DTNBP1: variants seen among roughly 807,000 people sequenced by gnomAD.
The protein encoded by DTNBP1 is dysbindin.
A neutral mutation model predicts 42.8 loss-of-function variants in DTNBP1; 35 were observed. The ratio of observed to expected loss-of-function variants is 0.82; its 90% CI spans 0.63 to 1.09. The LOEUF is 1.09. DTNBP1 is among the 50% of genes least tolerant of loss of function. DTNBP1 has a pLI of 0.00. For synonymous variants in DTNBP1, 171 were observed against 162.2 expected, an observed-to-expected ratio of 1.05 and a Z score of -0.41; for missense variants, 457 against 424.2, an observed-to-expected ratio of 1.08 and a Z score of -0.68.
intron 5 of DTNBP1, among the ~76,000 whole-genome samples, chr6:15,625,095 A>C (rs1759263400): frequency 6.6e-6 from 1 of 152,238 alleles, no homozygotes; most frequent in South Asian, 2.1e-4. Context: ...ACAAATACTA[A>C]CTAGGTCTCT....
intron 1 of DTNBP1, 65 bp from the exon 2 acceptor site, chr6:15,652,205 A>C (rs983195025): frequency 1.1e-5 from 14 of 1,325,712 alleles, no homozygotes; most frequent in Non-Finnish European, 1.4e-5. Flanking sequence ...TTTTTGAGAC[A>C]GGGTCTCACT....
At chr6:15,595,260 T>C (rs1776468867) in intron 6 of DTNBP1, 1 of 318,484 alleles carries the variant, frequency 3.1e-6, no homozygotes, top group Admixed American at 3.9e-5. Flanking sequence ...CTTTTTTTTT[T>C]TTTTTTTTTT....
chr6:15,585,894 T>C (rs1776061193), intron 7 of DTNBP1: 7 of 1,428,406 alleles, frequency 4.9e-6, no homozygotes, highest in Middle Eastern at 1.9e-4. Context: ...CAGAAGCAGG[T>C]TTTTCCAAAG....
intron 7 of DTNBP1, among the ~76,000 whole-genome samples, chr6:15,584,395 T>C (rs1775969784): frequency 6.6e-6 from 1 of 152,102 alleles, no homozygotes; most frequent in Non-Finnish European, 1.5e-5. Flanking sequence ...GTAAATACTT[T>C]AAAAATAAAT....
intron 8 of DTNBP1, among the ~76,000 whole-genome samples, chr6:15,525,968 C>G (rs1300902337): frequency 6.6e-6 from 1 of 152,138 alleles, no homozygotes; most frequent in East Asian, 1.9e-4. Flanking sequence ...TGAAGAACAT[C>G]AAAAGACAAA....
At chr6:15,560,737 C>T (rs1774797786) in intron 7 of DTNBP1, among the ~76,000 whole-genome samples, 1 of 152,188 alleles carries the variant, frequency 6.6e-6, no homozygotes, top group Non-Finnish European at 1.5e-5. Context: ...CACTTTCTGA[C>T]AGGCTCAGGA....
rs1415944245 is a variant in DTNBP1, at chr6:15,532,635, T to C, written c.667+605A>G. ...CTGTACTGGAGAATTAAGGGCTATTTTTCTTTTTTTCCATTTTGGTAATTT... is the reference window on the plus strand; with the variant it reads ...CTGTACTGGAGAATTAAGGGCTATTCTTCTTTTTTTCCATTTTGGTAATTT... On this transcript the variant is annotated intron_variant, in intron 8 of 9. Transcript: ENST00000344537. 2.6e-5 allele frequency among the ~76,000 whole-genome samples: 4 copies of C among 152,176 alleles called. No individual in the cohort carries two copies. The East Asian group carries it at 5.8e-4, about 22-fold the overall frequency.
intron 7 of DTNBP1, among the ~76,000 whole-genome samples, chr6:15,574,320 A>T (rs1046975631): frequency 1.3e-5 from 2 of 152,232 alleles, no homozygotes; most frequent in African/African-American, 2.4e-5. Context: ...CAGAGTAGAC[A>T]GCAAGAACAG....
chr6:15,527,306 A>T (rs1772475157), intron 8 of DTNBP1, among the ~76,000 whole-genome samples: 1 of 152,240 alleles, frequency 6.6e-6, no homozygotes, highest in Non-Finnish European at 1.5e-5. Flanking sequence ...TTGATGACTG[A>T]CATCAGCAGT....
intron 5 of DTNBP1, among the ~76,000 whole-genome samples, chr6:15,616,455 G>A (rs1462773876): frequency 1.3e-5 from 2 of 152,214 alleles, no homozygotes; most frequent in East Asian, 3.8e-4. Context: ...TAAGGCATGA[G>A]GTGCCGAAGG....
chr6:15,624,286 T>G (rs73371597), intron 5 of DTNBP1, among the ~76,000 whole-genome samples: 2,934 of 152,294 alleles, frequency 0.019, 103 homozygotes, highest in African/African-American at 0.066. Flanking sequence ...CCAAACCCGA[T>G]CTGTCAGTTC....
chr6:15,523,562 C>CA, intron 9 of DTNBP1: 1 of 1,183,676 alleles, frequency 8.4e-7, no homozygotes, highest in Non-Finnish European at 1.1e-6. Flanking sequence ...ATCTAGATTT[C>CA]TTTTTTTTTT....
At chr6:15,653,712 T>C (rs972394044) in intron 1 of DTNBP1, among the ~76,000 whole-genome samples, 23 of 152,226 alleles carry the variant, frequency 1.5e-4, no homozygotes, top group African/African-American at 5.1e-4. Flanking sequence ...TGAGATATCA[T>C]GTACACATTC....
At chr6:15,592,941 G>T in intron 7 of DTNBP1, 118 bp downstream of exon 7, 1 of 1,059,030 alleles carries the variant, frequency 9.4e-7, no homozygotes, top group Non-Finnish European at 1.4e-6. Context: ...ACAGTATTAA[G>T]TTTTACTGTT....
chr6:15,534,689 CA>C (rs1374759022), intron 7 of DTNBP1, among the ~76,000 whole-genome samples: 1 of 140,250 alleles, frequency 7.1e-6, no homozygotes, highest in African/African-American at 2.6e-5. Context: ...AGCTTGGGAA[CA>C]AAAAAAGTAA....
At chr6:15,608,809 T>G (rs1758222282) in intron 6 of DTNBP1, among the ~76,000 whole-genome samples, 1 of 152,280 alleles carries the variant, frequency 6.6e-6, no homozygotes, top group African/African-American at 2.4e-5. Context: ...TTTTGATTCC[T>G]GATCCTTAAT....
intron 7 of DTNBP1, among the ~76,000 whole-genome samples, chr6:15,542,892 G>T (rs1195683694): frequency 7.2e-5 from 11 of 151,968 alleles, no homozygotes; most frequent in Admixed American, 6.6e-4. Context: ...TGGAGACAGG[G>T]TTTCACCATG....
chr6:15,658,323 A>C (rs1444466302), intron 1 of DTNBP1, among the ~76,000 whole-genome samples: 2 of 152,178 alleles, frequency 1.3e-5, no homozygotes, highest in African/African-American at 4.8e-5. Flanking sequence ...AATCCCGGAA[A>C]AGTCAACATT....
chr6:15,651,288 C>A, intron 3 of DTNBP1, 25 bp downstream of exon 3: 1 of 1,605,922 alleles, frequency 6.2e-7, no homozygotes, highest in South Asian at 1.1e-5. Flanking sequence ...GAAGTATAAC[C>A]TTCCTCTACA....
Sources: gnomAD v4.1 joint callset for allele counts (sites outside exome capture counted in the v4.1 genomes callset) on GRCh38, gnomAD v4.1.1 for gene constraint, MANE v1.5 for transcripts, NCBI Gene and HGNC (gene_info 2026-07-23, HGNC 2026-07-21) for gene names.